OLFM3: variants seen among roughly 807,000 people sequenced by gnomAD.
OLFM3 encodes olfactomedin 3, also known as noelin-3.
OLFM3 carries 20 observed loss-of-function variants against 48.6 expected under a neutral mutation model. The observed-to-expected ratio is 0.41, with a 90% CI of 0.29 to 0.60. The LOEUF (loss-of-function observed/expected upper bound fraction) is 0.60, where lower values mean the gene tolerates loss of function less well. Among genes scored for constraint, OLFM3 ranks in the 20% least tolerant of loss-of-function variants. The pLI is 0.28. For synonymous variants in OLFM3, 222 were observed against 198.1 expected, an observed-to-expected ratio of 1.12 and a Z score of -1.01; for missense variants, 437 against 544.3, an observed-to-expected ratio of 0.80 and a Z score of 1.96.
chr1:101,991,024 T>A (rs866132442), intron 1 of OLFM3, among the ~76,000 whole-genome samples: 2,085 of 82,988 alleles, frequency 0.025, 29 homozygotes, highest in Non-Finnish European at 0.041. Flanking sequence ...AAAATATATA[T>A]ATATATATAT....
chr1:101,931,122 T>C (rs1557735192), intron 1 of OLFM3, among the ~76,000 whole-genome samples: 2 of 152,212 alleles, frequency 1.3e-5, no homozygotes, highest in Non-Finnish European at 2.9e-5. Context: ...AGAGTTTTTG[T>C]TTCCAAGCCA....
At chr1:101,986,061 G>A (rs1661226173) in intron 1 of OLFM3, among the ~76,000 whole-genome samples, 1 of 151,622 alleles carries the variant, frequency 6.6e-6, no homozygotes, top group South Asian at 2.1e-4. Flanking sequence ...CGCCTCCCGG[G>A]TTCACGCCAT....
At chr1:101,839,732 C>T (rs1416730801) in intron 1 of OLFM3, among the ~76,000 whole-genome samples, 1 of 152,148 alleles carries the variant, frequency 6.6e-6, no homozygotes, top group African/African-American at 2.4e-5. Flanking sequence ...TCTCTGGAAC[C>T]AGGGAAGTGG....
chr1:101,963,710 A>G (rs1317394669), intron 1 of OLFM3, among the ~76,000 whole-genome samples: 1 of 152,116 alleles, frequency 6.6e-6, no homozygotes, highest in Non-Finnish European at 1.5e-5. Context: ...ATTGGTTTTG[A>G]TAAGGAGACC....
chr1:101,916,003 T>C (rs1658912253), intron 1 of OLFM3, among the ~76,000 whole-genome samples: 2 of 152,074 alleles, frequency 1.3e-5, no homozygotes, highest in Admixed American at 6.5e-5. Context: ...CCCCATTGTA[T>C]ATATGGGAAA....
intron 1 of OLFM3, among the ~76,000 whole-genome samples, chr1:101,942,483 C>T (rs1232235933): frequency 6.6e-6 from 1 of 152,170 alleles, no homozygotes; most frequent in Non-Finnish European, 1.5e-5. Flanking sequence ...GAAAAGGTTT[C>T]TGTAAATGTA....
chr1:101,912,628 A>G (rs939471937), intron 1 of OLFM3, among the ~76,000 whole-genome samples: 3 of 152,200 alleles, frequency 2.0e-5, no homozygotes, highest in African/African-American at 7.2e-5. Flanking sequence ...AGAGACGCCT[A>G]CAGGGAGAGA....
chr1:101,898,384 A>G (rs988347068), intron 1 of OLFM3, among the ~76,000 whole-genome samples: 4 of 152,216 alleles, frequency 2.6e-5, no homozygotes, highest in African/African-American at 9.6e-5. Context: ...TTCCAAACGC[A>G]TACAGCTTTA....
At chr1:101,810,561 C>A (rs1001290603) in intron 4 of OLFM3, among the ~76,000 whole-genome samples, 1 of 151,842 alleles carries the variant, frequency 6.6e-6, no homozygotes, top group Non-Finnish European at 1.5e-5. Flanking sequence ...AAGCAAAAAT[C>A]ACATTTATAT....
intron 1 of OLFM3, among the ~76,000 whole-genome samples, chr1:101,900,195 C>T (rs967238500): frequency 2.0e-5 from 3 of 152,108 alleles, no homozygotes; most frequent in Non-Finnish European, 2.9e-5. Flanking sequence ...AGTTTGTTTG[C>T]TTTGTTCATT....
chr1:101,806,583 T>C (rs1653788295), intron 4 of OLFM3, among the ~76,000 whole-genome samples: 1 of 151,768 alleles, frequency 6.6e-6, no homozygotes, highest in South Asian at 2.1e-4. Flanking sequence ...TCCCCATGCT[T>C]TGTGACTATG....
chr1:101,943,896 C>T (rs1161774784), intron 1 of OLFM3, among the ~76,000 whole-genome samples: 1 of 147,970 alleles, frequency 6.8e-6, no homozygotes, highest in East Asian at 2.0e-4. Flanking sequence ...ATCCAATAGC[C>T]TCTTATTAAT....
intron 1 of OLFM3, among the ~76,000 whole-genome samples, chr1:101,956,927 T>A (rs142665736): frequency 2.2e-4 from 33 of 151,982 alleles, no homozygotes; most frequent in African/African-American, 7.2e-4. Context: ...TCTATCTTCC[T>A]AATCAGATCA....
At chr1:101,861,789 T>G (rs988583388) in intron 1 of OLFM3, among the ~76,000 whole-genome samples, 2 of 152,224 alleles carry the variant, frequency 1.3e-5, no homozygotes, top group Non-Finnish European at 2.9e-5. Context: ...ATTATTTTTC[T>G]GAACTTCATT....
chr1:101,956,762 A>G (rs1344678194), intron 1 of OLFM3, among the ~76,000 whole-genome samples: 1 of 151,908 alleles, frequency 6.6e-6, no homozygotes, highest in Non-Finnish European at 1.5e-5. Flanking sequence ...AAAAATAAAA[A>G]CATGTAACTA....
chr1:101,823,355 T>G (rs1390789486), intron 4 of OLFM3, among the ~76,000 whole-genome samples: 1 of 152,038 alleles, frequency 6.6e-6, no homozygotes, highest in Non-Finnish European at 1.5e-5. Flanking sequence ...ACATTTAAAC[T>G]GAGACCTGAC....
chr1:101,810,032 G>A (rs1268211518), intron 4 of OLFM3, among the ~76,000 whole-genome samples: 1 of 151,938 alleles, frequency 6.6e-6, no homozygotes, highest in African/African-American at 2.4e-5. Context: ...GGAAGAATAG[G>A]TAAAGTCCAC....
intron 1 of OLFM3, among the ~76,000 whole-genome samples, chr1:101,988,837 C>A (rs1661320929): frequency 6.6e-6 from 1 of 151,812 alleles, no homozygotes; most frequent in South Asian, 2.1e-4. Flanking sequence ...AAAATAACTA[C>A]TAATAAAGTA....
intron 4 of OLFM3, among the ~76,000 whole-genome samples, chr1:101,817,674 A>T (rs926885433): frequency 1.3e-4 from 19 of 151,866 alleles, no homozygotes; most frequent in African/African-American, 4.6e-4. Flanking sequence ...ATAGCTCTGG[A>T]TTTGAATCCT....
Sources: gnomAD v4.1 joint callset for allele counts (sites outside exome capture counted in the v4.1 genomes callset) on GRCh38, gnomAD v4.1.1 for gene constraint, MANE v1.5 for transcripts, NCBI Gene and HGNC (gene_info 2026-07-23, HGNC 2026-07-21) for gene names.